IMPA2: variants seen among roughly 807,000 people sequenced by gnomAD.
IMPA2 encodes the protein inositol monophosphatase 2.
In IMPA2, 32 loss-of-function variants were observed where a neutral mutation model predicts 35.1. That is an observed-to-expected ratio of 0.91 (90% CI 0.69 to 1.23). IMPA2 has a LOEUF of 1.23. Among genes scored for constraint, IMPA2 ranks in the 50% most tolerant of loss-of-function variants. The pLI is 0.00. For missense variants in IMPA2, 334 were observed against 387.6 expected (o/e 0.86, Z 1.16); for synonymous variants, 135 against 160.6 (o/e 0.84, Z 1.20).
At chr18:12,028,177 C>T (rs764404523) in intron 6 of IMPA2, 26 bp downstream of exon 6, 2 of 1,433,240 alleles carry the variant, frequency 1.4e-6, no homozygotes, top group South Asian at 2.3e-5. Flanking sequence ...CGGGGAACAC[C>T]CTGCAGCCCG....
rs184565582 is a variant in IMPA2 at position 12,005,369 on chromosome 18, C to T, written c.231-4514C>T. Among the ~76,000 whole-genome samples the T allele has an allele frequency of 1.9e-4, 29 of 152,238 alleles. 1 individual carries two copies. Among genetic ancestry groups the T allele is most frequent in the African/African-American group, 6.3e-4 (26 of 41,546 alleles). ...GTGTGGTGATGCATGCCTGTGGTCC[C>T]AGCTACTCAGGAGGCTGAGGCAGGA... On this transcript the variant is annotated intron_variant, in intron 2 of 7. Transcript: ENST00000269159.
intron 1 of IMPA2, among the ~76,000 whole-genome samples, chr18:11,984,223 C>G (rs1176391885): frequency 2.0e-5 from 3 of 152,234 alleles, no homozygotes; most frequent in Non-Finnish European, 4.4e-5. Context: ...GTCCCAGGCT[C>G]CCAATTCCCT....
chr18:11,995,521 A>G (rs1315287507), intron 1 of IMPA2, among the ~76,000 whole-genome samples: 10 of 152,228 alleles, frequency 6.6e-5, no homozygotes, highest in Admixed American at 2.0e-4. Context: ...TCTCTGCTAC[A>G]AGGGCAAATC....
intron 2 of IMPA2, among the ~76,000 whole-genome samples, chr18:12,003,151 C>T (rs1257392117): frequency 1.3e-5 from 2 of 151,802 alleles, no homozygotes; most frequent in South Asian, 4.2e-4. Flanking sequence ...GCTGAGATCA[C>T]GCCACTGCAC....
chr18:12,023,102 T>C (rs1401794792), intron 5 of IMPA2, among the ~76,000 whole-genome samples: 1 of 152,036 alleles, frequency 6.6e-6, no homozygotes, highest in Admixed American at 6.6e-5. Flanking sequence ...GCCTATACTC[T>C]GTTCTTGATT....
At chr18:12,001,518 A>T (rs1907115750) in intron 2 of IMPA2, among the ~76,000 whole-genome samples, 1 of 152,084 alleles carries the variant, frequency 6.6e-6, no homozygotes, top group African/African-American at 2.4e-5. Flanking sequence ...GACAAACTGC[A>T]CTCTGAGATT....
At chr18:11,983,045 A>G (rs1271986907) in intron 1 of IMPA2, among the ~76,000 whole-genome samples, 1 of 152,150 alleles carries the variant, frequency 6.6e-6, no homozygotes, top group Non-Finnish European at 1.5e-5. Context: ...TTAATCTGCA[A>G]TACTAAGTAG....
At chr18:11,997,938 T>C (rs1318278451) in intron 1 of IMPA2, among the ~76,000 whole-genome samples, 2 of 152,144 alleles carry the variant, frequency 1.3e-5, no homozygotes, top group Non-Finnish European at 2.9e-5. Flanking sequence ...GAGGCAGCAG[T>C]GGGAGGATCG....
chr18:12,007,604 C>CTTTT (rs1555645709), intron 2 of IMPA2, among the ~76,000 whole-genome samples: 24 of 134,594 alleles, frequency 1.8e-4, no homozygotes, highest in African/African-American at 4.0e-4. Flanking sequence ...TTCTTTCTTT[C>CTTTT]TCTTTCTTTC....
intron 1 of IMPA2, among the ~76,000 whole-genome samples, chr18:11,998,137 G>A (rs894305666): frequency 6.6e-6 from 1 of 152,182 alleles, no homozygotes; most frequent in Non-Finnish European, 1.5e-5. Context: ...ACCACACTTC[G>A]GCCTGGGTGA....
intron 1 of IMPA2, among the ~76,000 whole-genome samples, chr18:11,984,769 C>T (rs1403390962): frequency 1.3e-5 from 2 of 151,788 alleles, no homozygotes; most frequent in Admixed American, 6.6e-5. Context: ...AGATCAAGAC[C>T]ATCCTGGCTA....
chr18:12,026,873 G>A (rs796779117), intron 5 of IMPA2, among the ~76,000 whole-genome samples: 22 of 152,332 alleles, frequency 1.4e-4, no homozygotes, highest in East Asian at 1.9e-4. Flanking sequence ...GGGCATGGCC[G>A]GCGGTGAATG....
chr18:11,982,217 C>T (rs1479863173), intron 1 of IMPA2, among the ~76,000 whole-genome samples: 1 of 152,186 alleles, frequency 6.6e-6, no homozygotes, highest in African/African-American at 2.4e-5. Context: ...CTGACCCACA[C>T]CCTGAAAGTG....
chr18:11,991,983 A>G lies in IMPA2; in HGVS notation c.97-7071A>G, dbSNP rs1906828450. Reference sequence around the variant, plus strand: ...CTCAGCCCCCTGAGTAGCTGGGATTATAGGCGTGTGCCAGCACACCCACCT... The same window carrying G: ...CTCAGCCCCCTGAGTAGCTGGGATTGTAGGCGTGTGCCAGCACACCCACCT... On this transcript the variant is annotated intron_variant, in intron 1 of 7. Coordinates refer to ENST00000269159, the MANE Select transcript of IMPA2 (RefSeq NM_014214.3). The surrounding 1 kb of genome is among the most constrained non-coding windows in gnomAD (Gnocchi z 4.1). 6.6e-6 allele frequency among the ~76,000 whole-genome samples: 1 copy of G among 151,986 alleles called. No individual in the cohort carries two copies. The highest frequency in any genetic ancestry group is 2.4e-5 in the African/African-American group (1 of 41,364).
In IMPA2 at chr18:12,010,522, A is replaced by G. The variant is rs1302561792; in HGVS notation, c.335+535A>G. On this transcript the variant is annotated intron_variant, in intron 3 of 7. Transcript: ENST00000269159. The surrounding 1 kb of genome is among the most constrained non-coding windows in gnomAD (Gnocchi z 4.8). ...GGGGATGGTGAAGTGACAGGATGCA[A>G]AGGTGACAGGGACACGACCACAGGT... is the stretch of plus-strand genomic sequence containing the variant. Among the ~76,000 whole-genome samples the G allele has an allele frequency of 1.3e-5, 2 of 152,186 alleles. No homozygotes were observed. The highest frequency in any genetic ancestry group is 1.5e-5 in the Non-Finnish European group (1 of 68,036).
At chr18:12,012,696 G>A (rs138354245) in intron 4 of IMPA2, among the ~76,000 whole-genome samples, 2 of 152,292 alleles carry the variant, frequency 1.3e-5, no homozygotes, top group East Asian at 1.9e-4. Flanking sequence ...AGTGTTGTGC[G>A]ACCTGCATGG....
In IMPA2 at chr18:12,009,979, T is replaced by G. The variant is rs1192491920; in HGVS notation, c.327T>G (p.Phe109Leu). The change falls in exon 3 of 8, where the codon TTT (phenylalanine) becomes TTG (leucine). Residue 109 changes from phenylalanine (F) to leucine (L), a missense_variant. Coordinates refer to ENST00000269159, the MANE Select transcript of IMPA2 (RefSeq NM_014214.3). Reference sequence around the variant, plus strand: ...ACCCCATCGACGGCACCTGCAATTTTGTGCACAGGTGAGCTGAGCAGGGAT... The same window carrying G: ...ACCCCATCGACGGCACCTGCAATTTGGTGCACAGGTGAGCTGAGCAGGGAT... The part of the protein sequence containing the change: ...IIDPIDGTCN[F>L]VHRFPTVAVS... The G allele has an allele frequency of 6.2e-7, 1 of 1,613,074 alleles. No individual in the cohort carries two copies. Among genetic ancestry groups the G allele is most frequent in the Non-Finnish European group, 8.5e-7 (1 of 1,179,256 alleles).
At chr18:11,988,001 C>CTTT (rs71172043) in intron 1 of IMPA2, among the ~76,000 whole-genome samples, 3,689 of 101,570 alleles carry the variant, frequency 0.036, 42 homozygotes, top group Non-Finnish European at 0.045. Flanking sequence ...TGTTTATTGG[C>CTTT]TTTTTTTTTT....
chr18:11,983,699 C>T (rs1350181756), intron 1 of IMPA2, among the ~76,000 whole-genome samples: 1 of 151,970 alleles, frequency 6.6e-6, no homozygotes, highest in African/African-American at 2.4e-5. Flanking sequence ...AAGCCCGGGC[C>T]GCCCGGGGCT....
Sources: allele counts gnomAD v4.1 joint callset (sites outside exome capture counted in the v4.1 genomes callset), GRCh38; gene constraint gnomAD v4.1.1; non-coding constraint Gnocchi (gnomAD v3.1); transcripts MANE v1.5; gene names NCBI Gene and HGNC (gene_info 2026-07-23, HGNC 2026-07-21).